MYOF: variants seen among roughly 807,000 people sequenced by gnomAD.
The protein encoded by MYOF is myoferlin.
A neutral mutation model predicts 284.2 loss-of-function variants in MYOF; 244 were observed. That is an observed-to-expected ratio of 0.86 (90% CI 0.77 to 0.95). The LOEUF (loss-of-function observed/expected upper bound fraction) is 0.95. Among genes scored for constraint, MYOF ranks in the 40% least tolerant of loss-of-function variants. The pLI, the probability that MYOF is intolerant of heterozygous loss-of-function variation, is 0.00. For synonymous variants in MYOF, 904 were observed against 919.7 expected, an observed-to-expected ratio of 0.98 and a Z score of 0.31; for missense variants, 2,496 against 2,560.6, an observed-to-expected ratio of 0.97 and a Z score of 0.54.
chr10:93,447,408 G>A (rs1467962769), intron 3 of MYOF, among the ~76,000 whole-genome samples: 27 of 152,184 alleles, frequency 1.8e-4, no homozygotes, highest in Admixed American at 1.7e-3. Context: ...AGCTCCTGGG[G>A]ACGTGCTCGG....
At chr10:93,391,025 A>T (rs533879935) in intron 17 of MYOF, among the ~76,000 whole-genome samples, 2 of 152,110 alleles carry the variant, frequency 1.3e-5, no homozygotes, top group Admixed American at 6.5e-5. Flanking sequence ...TACCCCATCC[A>T]TTCCTTTGGT....
At chr10:93,347,879 C>T in intron 36 of MYOF, 97 bp from the exon 37 acceptor site, 1 of 1,271,892 alleles carries the variant, frequency 7.9e-7, no homozygotes, top group Non-Finnish European at 1.1e-6. Flanking sequence ...CTCTCTGCCA[C>T]ACAGCCCAGA....
Position 93,361,551 on chromosome 10 carries a change from C to T in MYOF, c.2875G>A (p.Asp959Asn), listed in dbSNP as rs755453390. 4.0e-5 allele frequency: 65 copies of T among 1,614,002 alleles called. No homozygotes were observed. The highest frequency in any genetic ancestry group is 6.7e-5 in the African/African-American group (5 of 74,922). The change falls in exon 28 of 54, where the codon GAT (aspartate) becomes AAT (asparagine). Residue 959 changes from aspartate (D) to asparagine (N), a missense_variant. Physicochemically the swap from Asp to Asn is conservative, Grantham distance 23. Transcript: ENST00000359263. ...AACTCGCTGGGTGATGCTGCTTTAT[C>T]GCCGTTCTTACAAAACAAAAATAAA... is the stretch of plus-strand genomic sequence containing the variant. ...AEDTYTDANG[D>N]KAASPSELTC...
At chr10:93,456,786 C>T (rs1306389288) in intron 2 of MYOF, 96 bp downstream of exon 2, 1 of 883,902 alleles carries the variant, frequency 1.1e-6, no homozygotes, top group Non-Finnish European at 1.8e-6. Flanking sequence ...TGTAGAGATT[C>T]TCCTTCCGAA....
intron 51 of MYOF, 147 bp from the exon 52 acceptor site, chr10:93,310,790 C>T (rs983450470): frequency 1.2e-5 from 9 of 758,458 alleles, no homozygotes; most frequent in South Asian, 1.9e-5. Context: ...GAGATTTCAT[C>T]CCATTTCCTC....
rs1554872324 is a variant in MYOF, at chr10:93,463,391, C to CA, written c.89-6455dup. Among the ~76,000 whole-genome samples the CA allele has an allele frequency of 6.1e-3, 749 of 122,452 alleles. 244 individuals carry two copies. Among genetic ancestry groups the CA allele is most frequent in the African/African-American group, 7.6e-3 (252 of 33,096 alleles). The allele number at this position is 122,452 out of a possible 152,430, so 80.3% of individuals were successfully genotyped here. ...GCAACATAGTGAGACTTCGTCTCTA[C>CA]AAATTTTTTTTTTTTTTTTTTTTTT... is the stretch of plus-strand genomic sequence containing the variant. On this transcript the variant is annotated intron_variant, in intron 1 of 53. Coordinates refer to ENST00000359263, the MANE Select transcript of MYOF (RefSeq NM_013451.4).
intron 15 of MYOF, 112 bp downstream of exon 15, chr10:93,397,135 C>T: frequency 1.2e-5 from 10 of 860,382 alleles, no homozygotes; most frequent in South Asian, 4.7e-5. Context: ...GCAATTTATC[C>T]TCTCCTCTGG....
chr10:93,385,672 A>T (rs1198267692), intron 19 of MYOF, among the ~76,000 whole-genome samples: 4 of 152,154 alleles, frequency 2.6e-5, no homozygotes, highest in Non-Finnish European at 5.9e-5. Flanking sequence ...TTAGGTTTTT[A>T]AAATTTTTGC....
intron 35 of MYOF, 147 bp downstream of exon 35, chr10:93,351,050 T>A: frequency 1.2e-6 from 1 of 823,844 alleles, no homozygotes; most frequent in Non-Finnish European, 2.0e-6. Flanking sequence ...TCTACTCCCA[T>A]GAATACCTCC....
At chr10:93,458,493 T>G (rs1023863873) in intron 1 of MYOF, among the ~76,000 whole-genome samples, 4 of 151,968 alleles carry the variant, frequency 2.6e-5, no homozygotes, top group Non-Finnish European at 4.4e-5. Flanking sequence ...CCCAGCACTT[T>G]GGGAGGCCAA....
At chr10:93,397,970 T>C (rs12782691) in intron 13 of MYOF, among the ~76,000 whole-genome samples, 16,398 of 152,070 alleles carry the variant, frequency 0.11, 1,487 homozygotes, top group African/African-American at 0.25. Flanking sequence ...GAAATGTTTC[T>C]CCCCAGGACA....
At chr10:93,369,041 A>G (rs1845453941) in intron 25 of MYOF, among the ~76,000 whole-genome samples, 1 of 150,628 alleles carries the variant, frequency 6.6e-6, no homozygotes, top group Non-Finnish European at 1.5e-5. Flanking sequence ...CTTTTCATTA[A>G]CTACATGGAT....
intron 7 of MYOF, among the ~76,000 whole-genome samples, chr10:93,408,383 T>C (rs1480686730): frequency 6.6e-6 from 1 of 151,700 alleles, no homozygotes; most frequent in Non-Finnish European, 1.5e-5. Flanking sequence ...ACTGAAAATA[T>C]AAAATTAGCC....
At chr10:93,346,443 G>T (rs1022928763) in intron 37 of MYOF, among the ~76,000 whole-genome samples, 4 of 152,268 alleles carry the variant, frequency 2.6e-5, no homozygotes, top group Non-Finnish European at 5.9e-5. Context: ...AATTTATGAG[G>T]CCAGGGGCCC....
At chr10:93,388,344 T>C (rs1268329389) in intron 18 of MYOF, among the ~76,000 whole-genome samples, 2 of 152,164 alleles carry the variant, frequency 1.3e-5, no homozygotes, top group African/African-American at 4.8e-5. Flanking sequence ...GAGGCTGCCA[T>C]GCTGGCAACC....
chr10:93,450,347 G>A (rs1165349471), intron 3 of MYOF, among the ~76,000 whole-genome samples: 4 of 152,178 alleles, frequency 2.6e-5, no homozygotes, highest in Admixed American at 6.5e-5. Flanking sequence ...AGCTGAGATC[G>A]TGCCACTGCA....
At chr10:93,459,996 G>C (rs950797830) in intron 1 of MYOF, among the ~76,000 whole-genome samples, 9 of 152,132 alleles carry the variant, frequency 5.9e-5, no homozygotes, top group Non-Finnish European at 1.3e-4. Flanking sequence ...GAGAAGATAG[G>C]AGATTCCAAG....
intron 3 of MYOF, among the ~76,000 whole-genome samples, chr10:93,440,985 A>G (rs2056230975): frequency 6.6e-6 from 1 of 152,220 alleles, no homozygotes. Context: ...AGATCATTTC[A>G]GTGTCATTGC....
At chr10:93,381,168 G>C in intron 20 of MYOF, 51 bp downstream of exon 20, 2 of 1,587,074 alleles carry the variant, frequency 1.3e-6, no homozygotes, top group Non-Finnish European at 1.7e-6. Flanking sequence ...TTCCGGTCCC[G>C]TGGTGCACCC....
Sources: allele counts gnomAD v4.1 joint callset (sites outside exome capture counted in the v4.1 genomes callset), GRCh38; gene constraint gnomAD v4.1.1; transcripts MANE v1.5; gene names NCBI Gene and HGNC (gene_info 2026-07-23, HGNC 2026-07-21).